KCNAB1: variants seen among roughly 807,000 people sequenced by gnomAD.
KCNAB1 encodes the protein potassium voltage-gated channel subfamily A regulatory beta subunit 1.
KCNAB1 carries 35 observed loss-of-function variants against 64.6 expected under a neutral mutation model. That is an observed-to-expected ratio of 0.54 (90% CI 0.41 to 0.72). The LOEUF (loss-of-function observed/expected upper bound fraction) is 0.72, where lower values mean the gene tolerates loss of function less well. Among genes scored for constraint, KCNAB1 ranks in the 30% least tolerant of loss-of-function variants. The probability of loss-of-function intolerance (pLI) is 0.00; values close to 1 mark genes in which losing one functional copy is unlikely to be tolerated. For missense variants in KCNAB1, 401 were observed against 512.9 expected (o/e 0.78, Z 2.11); for synonymous variants, 177 against 183.8 (o/e 0.96, Z 0.30).
At chr3:156,206,657 A>C (rs1270782996) in intron 1 of KCNAB1, among the ~76,000 whole-genome samples, 1 of 152,216 alleles carries the variant, frequency 6.6e-6, no homozygotes. Flanking sequence ...AAGTTTGTTT[A>C]TTTACATTTA....
chr3:156,338,542 C>T (rs1363863528), intron 1 of KCNAB1, among the ~76,000 whole-genome samples: 1 of 151,982 alleles, frequency 6.6e-6, no homozygotes, highest in Non-Finnish European at 1.5e-5. Context: ...GAACTCCCGA[C>T]CTCAGGTGAT....
chr3:156,165,387 C>T (rs756538622), intron 1 of KCNAB1, among the ~76,000 whole-genome samples: 4 of 150,846 alleles, frequency 2.7e-5, no homozygotes, highest in Admixed American at 6.6e-5. Context: ...TGCTAACTGA[C>T]GGACCCAGGC....
intron 1 of KCNAB1, among the ~76,000 whole-genome samples, chr3:156,199,215 A>G (rs1714167445): frequency 2.0e-5 from 3 of 152,176 alleles, no homozygotes; most frequent in South Asian, 2.1e-4. Context: ...TTCCCTTTGT[A>G]GGTAACCTGA....
chr3:156,428,837 G>A (rs1456015209), intron 2 of KCNAB1, among the ~76,000 whole-genome samples: 1 of 152,104 alleles, frequency 6.6e-6, no homozygotes, highest in Non-Finnish European at 1.5e-5. Flanking sequence ...AGCAGTGAAG[G>A]AGAGAAAGAA....
At chr3:156,141,065 T>A (rs1384822665) in intron 1 of KCNAB1, among the ~76,000 whole-genome samples, 1 of 152,098 alleles carries the variant, frequency 6.6e-6, no homozygotes, top group East Asian at 1.9e-4. Context: ...CTTTGCTTTT[T>A]TTTTTTTAAA....
At chr3:156,208,724 A>T (rs1033804263) in intron 1 of KCNAB1, among the ~76,000 whole-genome samples, 9 of 152,204 alleles carry the variant, frequency 5.9e-5, no homozygotes, top group Admixed American at 2.0e-4. Context: ...GCTGTCCAAG[A>T]ATCCTGCATC....
intron 1 of KCNAB1, among the ~76,000 whole-genome samples, chr3:156,347,974 A>G: frequency 6.6e-6 from 1 of 152,214 alleles, no homozygotes; most frequent in East Asian, 1.9e-4. Flanking sequence ...AACAAGGGTC[A>G]GGCATTGTTA....
At chr3:156,245,861 C>T (rs1354365869) in intron 1 of KCNAB1, among the ~76,000 whole-genome samples, 1 of 151,994 alleles carries the variant, frequency 6.6e-6, no homozygotes, top group Admixed American at 6.6e-5. Flanking sequence ...AGGCATTTAG[C>T]AACAGAAAAG....
chr3:156,390,745 G>A (rs1271504441), intron 1 of KCNAB1, among the ~76,000 whole-genome samples: 1 of 149,928 alleles, frequency 6.7e-6, no homozygotes, highest in Non-Finnish European at 1.5e-5. Flanking sequence ...ACCATGCCCG[G>A]CTAATTTTTT....
chr3:156,239,194 A>T (rs936201618), intron 1 of KCNAB1, among the ~76,000 whole-genome samples: 1 of 152,268 alleles, frequency 6.6e-6, no homozygotes, highest in Non-Finnish European at 1.5e-5. Flanking sequence ...TAGAATTCAA[A>T]TATGGAATAC....
At chr3:156,183,893 G>A (rs946133877) in intron 1 of KCNAB1, among the ~76,000 whole-genome samples, 7 of 152,174 alleles carry the variant, frequency 4.6e-5, no homozygotes, top group Non-Finnish European at 1.0e-4. Context: ...CGTGGGCTTG[G>A]CCACCACTTA....
intron 2 of KCNAB1, among the ~76,000 whole-genome samples, chr3:156,443,665 T>C (rs1415983902): frequency 6.6e-6 from 1 of 151,948 alleles, no homozygotes; most frequent in African/African-American, 2.4e-5. Flanking sequence ...CATTTGGCCA[T>C]AGTTTCCTAT....
chr3:156,184,716 G>A (rs1213793207), intron 1 of KCNAB1, among the ~76,000 whole-genome samples: 3 of 152,122 alleles, frequency 2.0e-5, no homozygotes, highest in Non-Finnish European at 4.4e-5. Context: ...ATCTTTCAGG[G>A]TAACTCCTCT....
intron 1 of KCNAB1, among the ~76,000 whole-genome samples, chr3:156,124,851 G>A (rs1269981298): frequency 1.3e-5 from 2 of 152,096 alleles, no homozygotes; most frequent in African/African-American, 4.8e-5. Flanking sequence ...TATAAAGAAT[G>A]GTCGTAGGCC....
intron 1 of KCNAB1, among the ~76,000 whole-genome samples, chr3:156,331,274 G>A (rs558421233): frequency 5.3e-5 from 8 of 152,294 alleles, no homozygotes; most frequent in South Asian, 2.1e-4. Context: ...ACACATTCCC[G>A]TTTGGGTTGG....
intron 1 of KCNAB1, among the ~76,000 whole-genome samples, chr3:156,166,604 C>T (rs1711585598): frequency 6.6e-6 from 1 of 152,048 alleles, no homozygotes; most frequent in African/African-American, 2.4e-5. Context: ...TCATGAATAT[C>T]AGCAAGATCC....
intron 1 of KCNAB1, among the ~76,000 whole-genome samples, chr3:156,130,821 A>G (rs994225116): frequency 1.6e-4 from 25 of 152,284 alleles, no homozygotes; most frequent in Admixed American, 1.1e-3. Flanking sequence ...GCACCTGTCT[A>G]TCAAAAGGCT....
intron 1 of KCNAB1, among the ~76,000 whole-genome samples, chr3:156,128,711 T>G (rs1577612945): frequency 6.6e-6 from 1 of 152,328 alleles, no homozygotes. Flanking sequence ...TTTCAATGTT[T>G]CCCAAACTAT....
chr3:156,375,441 G>A lies in KCNAB1; in HGVS notation c.276-46175G>A, dbSNP rs1194101939. Among the ~76,000 whole-genome samples the A allele has an allele frequency of 2.2e-5, 3 of 135,210 alleles. 1 individual carries two copies. The highest frequency in any genetic ancestry group is 1.0e-4 in the African/African-American group (3 of 30,082). 88.7% of individuals were successfully genotyped at this position (135,210 alleles called of 152,430 possible). A position where few individuals can be genotyped will look rare whatever the true frequency, so the allele number is the denominator to read the frequency against. On this transcript the variant is annotated intron_variant, in intron 1 of 13. Transcript: ENST00000490337. ...ATTCCTGATGTTGCAAAGCTGGGAAGGGGCAGAGAATAGACCAGAACCTGC... is the reference window on the plus strand; with the variant it reads ...ATTCCTGATGTTGCAAAGCTGGGAAAGGGCAGAGAATAGACCAGAACCTGC...
Sources: gnomAD v4.1 joint callset for allele counts (sites outside exome capture counted in the v4.1 genomes callset) on GRCh38, gnomAD v4.1.1 for gene constraint, MANE v1.5 for transcripts, NCBI Gene and HGNC (gene_info 2026-07-23, HGNC 2026-07-21) for gene names.